The following DSE variants were observed in gnomAD, a reference collection of about 807,000 sequenced individuals.
DSE encodes the protein dermatan sulfate epimerase.
In DSE, 36 loss-of-function variants were observed where a neutral mutation model predicts 84.4. The ratio of observed to expected loss-of-function variants is 0.43; its 90% CI spans 0.33 to 0.56. The LOEUF is 0.56. Among genes scored for constraint, DSE ranks in the 20% least tolerant of loss-of-function variants. DSE has a pLI of 0.06. For missense variants in DSE, 862 were observed against 1,169.6 expected, an observed-to-expected ratio of 0.74 and a Z score of 3.84; for synonymous variants, 410 against 430.1, an observed-to-expected ratio of 0.95 and a Z score of 0.58.
chr6:116,375,102 G>A (rs1437568502), intron 1 of DSE, among the ~76,000 whole-genome samples: 1 of 152,104 alleles, frequency 6.6e-6, no homozygotes, highest in Non-Finnish European at 1.5e-5. Flanking sequence ...TGGCAATGAG[G>A]CAAGTTATAT....
At chr6:116,290,957 A>G (rs749042293) in intron 2 of DSE, among the ~76,000 whole-genome samples, 10 of 152,160 alleles carry the variant, frequency 6.6e-5, no homozygotes, top group Non-Finnish European at 1.2e-4. Flanking sequence ...TCTGGCCACC[A>G]CTGTGCTCTG....
chr6:116,401,888 C>T (rs1448873004), intron 2 of DSE, among the ~76,000 whole-genome samples: 1 of 149,478 alleles, frequency 6.7e-6, no homozygotes, highest in Non-Finnish European at 1.5e-5. Flanking sequence ...CTAGCTGTTA[C>T]TTACAAAAGA....
chr6:116,381,752 T>C (rs513375), intron 1 of DSE, among the ~76,000 whole-genome samples: 104,290 of 151,936 alleles, frequency 0.69, 36,488 homozygotes, highest in East Asian at 0.98. Flanking sequence ...AATTACAATG[T>C]TTACTTTAGA....
At chr6:116,315,768 G>A (rs368556919) in intron 2 of DSE, among the ~76,000 whole-genome samples, 7 of 152,348 alleles carry the variant, frequency 4.6e-5, no homozygotes, top group Admixed American at 3.9e-4. Flanking sequence ...TTGGGAGGAC[G>A]AGGCAGGCAG....
intron 2 of DSE, among the ~76,000 whole-genome samples, chr6:116,337,263 T>A (rs1777310845): frequency 1.3e-5 from 2 of 152,216 alleles, no homozygotes; most frequent in African/African-American, 2.4e-5. Context: ...GAAAAGTTGC[T>A]TTGTGTGAGA....
At chr6:116,356,144 G>T (rs1778558276) in intron 2 of DSE, among the ~76,000 whole-genome samples, 1 of 152,192 alleles carries the variant, frequency 6.6e-6, no homozygotes, top group Admixed American at 6.5e-5. Flanking sequence ...TATCTAGAGA[G>T]ATATAAGACA....
chr6:116,373,095 C>T (rs2114923120), intron 1 of DSE, among the ~76,000 whole-genome samples: 1 of 151,100 alleles, frequency 6.6e-6, no homozygotes, highest in East Asian at 1.9e-4. Flanking sequence ...TGGCTCACGC[C>T]TGTAATCCCA....
chr6:116,299,504 TTA>T (rs71553739), intron 2 of DSE, among the ~76,000 whole-genome samples: 29 of 11,502 alleles, frequency 2.5e-3, no homozygotes, highest in African/African-American at 5.5e-3. Flanking sequence ...TGAATTATTT[TTA>T]TATATATATA....
intron 2 of DSE, among the ~76,000 whole-genome samples, chr6:116,315,416 G>A (rs1449025231): frequency 6.6e-6 from 1 of 151,744 alleles, no homozygotes; most frequent in Admixed American, 6.6e-5. Flanking sequence ...AATGTCATAA[G>A]GGCAGGAATT....
intron 2 of DSE, among the ~76,000 whole-genome samples, chr6:116,316,577 T>G (rs994639930): frequency 6.6e-6 from 1 of 151,742 alleles, no homozygotes; most frequent in African/African-American, 2.4e-5. Flanking sequence ...TGAATAAGAT[T>G]TAAATAATTT....
intron 1 of DSE, among the ~76,000 whole-genome samples, chr6:116,385,542 G>T (rs1332562981): frequency 6.6e-6 from 1 of 151,656 alleles, no homozygotes; most frequent in Non-Finnish European, 1.5e-5. Context: ...AGGGGGTGGG[G>T]TTGAGTCCAA....
chr6:116,275,281 TAAG>T (rs1318649133), intron 2 of DSE, among the ~76,000 whole-genome samples: 1 of 152,208 alleles, frequency 6.6e-6, no homozygotes, highest in Non-Finnish European at 1.5e-5. Flanking sequence ...AACCCAAAAT[TAAG>T]TAGTGCTCTG....
intron 2 of DSE, among the ~76,000 whole-genome samples, chr6:116,275,657 G>A (rs1253836769): frequency 6.6e-6 from 1 of 152,114 alleles, no homozygotes; most frequent in African/African-American, 2.4e-5. Flanking sequence ...AAAATTAGCC[G>A]GGCGTGGTAG....
intron 2 of DSE, among the ~76,000 whole-genome samples, chr6:116,285,931 G>A (rs1038418820): frequency 3.3e-5 from 5 of 152,274 alleles, no homozygotes; most frequent in African/African-American, 1.2e-4. Context: ...TAGCCTTGTA[G>A]TATAGTTTGA....
chr6:116,342,196 T>G (rs1777637295), intron 2 of DSE, among the ~76,000 whole-genome samples: 1 of 152,090 alleles, frequency 6.6e-6, no homozygotes, highest in South Asian at 2.1e-4. Context: ...AATTATTTTG[T>G]TGGAAAGTGG....
chr6:116,258,948 A>C (rs1439723945), exon 2 of DSE: 1 of 1,521,602 alleles, frequency 6.6e-7, no homozygotes, highest in Non-Finnish European at 9.1e-7. Flanking sequence ...ATTTGGCGGC[A>C]TACCACCCTG....
At chr6:116,286,145 A>G (rs148680052) in intron 2 of DSE, among the ~76,000 whole-genome samples, 1,920 of 152,226 alleles carry the variant, frequency 0.013, 46 homozygotes, top group African/African-American at 0.044. Context: ...GATTCTTTCT[A>G]TCCATGAGCA....
intron 2 of DSE, among the ~76,000 whole-genome samples, chr6:116,407,479 A>C (rs1042032751): frequency 6.6e-6 from 1 of 152,198 alleles, no homozygotes; most frequent in African/African-American, 2.4e-5. Flanking sequence ...ATTACACTGC[A>C]AGGGCTCATA....
At chr6:116,299,561 C>T (rs1383058126) in intron 2 of DSE, among the ~76,000 whole-genome samples, 8 of 63,494 alleles carry the variant, frequency 1.3e-4, no homozygotes, top group Non-Finnish European at 2.4e-4. Flanking sequence ...TACACATACA[C>T]ACACACACAC....
Sources: allele counts gnomAD v4.1 joint callset (sites outside exome capture counted in the v4.1 genomes callset), GRCh38; gene constraint gnomAD v4.1.1; transcripts MANE v1.5; gene names NCBI Gene and HGNC (gene_info 2026-07-23, HGNC 2026-07-21).